PARD3B: variants seen among roughly 807,000 people sequenced by gnomAD.
PARD3B encodes the protein par-3 family cell polarity regulator beta, also known as partitioning defective 3 homolog B.
Under a neutral mutation model 130.2 loss-of-function variants are expected in PARD3B, and 103 were observed. The ratio of observed to expected loss-of-function variants is 0.79; its 90% CI spans 0.67 to 0.93. PARD3B has a LOEUF of 0.93. Ranked by LOEUF, PARD3B falls within the 40% of genes least tolerant of loss-of-function variation. PARD3B has a pLI of 0.00. For missense variants in PARD3B, 1,609 were observed against 1,499.2 expected (o/e 1.07, Z -1.21); for synonymous variants, 583 against 553.2 (o/e 1.05, Z -0.76).
At chr2:205,266,241 C>T (rs1240747830) in intron 16 of PARD3B, among the ~76,000 whole-genome samples, 1 of 151,994 alleles carries the variant, frequency 6.6e-6, no homozygotes. Context: ...TGGAATTTGG[C>T]AACTGTTTAA....
At chr2:204,828,477 G>T (rs951639401) in intron 2 of PARD3B, among the ~76,000 whole-genome samples, 2 of 152,132 alleles carry the variant, frequency 1.3e-5, no homozygotes, top group Non-Finnish European at 2.9e-5. Context: ...TTCGCAGCTA[G>T]ACTTGAGAGC....
At chr2:205,365,549 C>CTTTTTTTTTTTTTTTT (rs3048121) in intron 18 of PARD3B, among the ~76,000 whole-genome samples, 2 of 113,760 alleles carry the variant, frequency 1.8e-5, no homozygotes, top group Non-Finnish European at 3.3e-5. Flanking sequence ...CCCAACCTTC[C>CTTTTTTTTTTTTTTTT]TTTTTTTTTT....
intron 2 of PARD3B, among the ~76,000 whole-genome samples, chr2:204,959,666 T>A (rs927038808): frequency 1.3e-5 from 2 of 152,216 alleles, no homozygotes; most frequent in Non-Finnish European, 2.9e-5. Flanking sequence ...GGTAAAGGAA[T>A]GAGAAAAATA....
In PARD3B at chr2:204,762,116, ATTT is replaced by A. The variant is rs968166780; in HGVS notation, c.222+75855_222+75857del. 2.4e-4 allele frequency among the ~76,000 whole-genome samples: 23 copies of A among 95,388 alleles called. 1 individual carries two copies. Among genetic ancestry groups the A allele is most frequent in the African/African-American group, 4.9e-4 (12 of 24,522 alleles). 62.6% of individuals were successfully genotyped at this position (95,388 alleles called of 152,430 possible). ...TTTCTTTTCTTTTCCTTCTTTTTCT[ATTT>A]TTTTTTTTTTTTTTTTTTTTGAGAT... On this transcript the variant is annotated intron_variant, in intron 2 of 22. Transcript: ENST00000406610.
At chr2:204,560,749 G>A (rs1018411342) in intron 1 of PARD3B, among the ~76,000 whole-genome samples, 2 of 152,144 alleles carry the variant, frequency 1.3e-5, no homozygotes, top group African/African-American at 4.8e-5. Flanking sequence ...AGCATTTGGG[G>A]CAGGATGGAG....
intron 3 of PARD3B, among the ~76,000 whole-genome samples, chr2:205,002,396 A>G (rs1295437471): frequency 1.3e-5 from 2 of 152,096 alleles, no homozygotes; most frequent in Non-Finnish European, 2.9e-5. Flanking sequence ...AATCTGTCCT[A>G]TTCCCACCCC....
At chr2:204,671,189 T>C (rs2036279800) in intron 1 of PARD3B, among the ~76,000 whole-genome samples, 1 of 152,148 alleles carries the variant, frequency 6.6e-6, no homozygotes, top group African/African-American at 2.4e-5. Flanking sequence ...GTTTTTACTT[T>C]GCTGGCGTTG....
chr2:205,124,194 T>C, intron 8 of PARD3B, 133 bp from the exon 9 acceptor site: 1 of 785,186 alleles, frequency 1.3e-6, no homozygotes, highest in South Asian at 4.4e-5. Context: ...CTGAAGCATA[T>C]TTAAAATGTC....
At chr2:204,809,915 G>C (rs1048806154) in intron 2 of PARD3B, among the ~76,000 whole-genome samples, 2 of 151,800 alleles carry the variant, frequency 1.3e-5, no homozygotes, top group Non-Finnish European at 2.9e-5. Context: ...TGATTTCTTT[G>C]AGCAGTGTTT....
At chr2:204,612,805 A>G (rs1202991739) in intron 1 of PARD3B, among the ~76,000 whole-genome samples, 2 of 109,440 alleles carry the variant, frequency 1.8e-5, no homozygotes, top group Non-Finnish European at 3.3e-5. Context: ...CTTCTCATTT[A>G]TCAGCAATAT....
At chr2:205,319,179 C>T (rs980661594) in intron 18 of PARD3B, among the ~76,000 whole-genome samples, 1 of 152,122 alleles carries the variant, frequency 6.6e-6, no homozygotes, top group Non-Finnish European at 1.5e-5. Context: ...CACCCAGCTA[C>T]AGAATTCAAT....
rs188105705 is a variant in PARD3B at position 205,057,138 on chromosome 2, A to G, written c.504+9448A>G. Among the ~76,000 whole-genome samples, 17 of 151,562 alleles carry G rather than the reference A, an allele frequency of 1.1e-4. No homozygotes were observed. In the East Asian group the frequency reaches 3.3e-3, roughly 29 times the overall value. ...ATTTGTCCACCGAGGTTCTCCTAGT[A>G]TGAGGTGATTTCTTATTGTTTCATG... is the stretch of plus-strand genomic sequence containing the variant. On this transcript the variant is annotated intron_variant, in intron 4 of 22. Transcript: ENST00000406610.
intron 4 of PARD3B, among the ~76,000 whole-genome samples, chr2:205,077,056 C>T (rs1390954816): frequency 1.3e-5 from 2 of 152,084 alleles, no homozygotes; most frequent in African/African-American, 4.8e-5. Flanking sequence ...CAAAGTTGCC[C>T]CTGAATCCGG....
At chr2:205,365,460 A>G (rs985173454) in intron 18 of PARD3B, among the ~76,000 whole-genome samples, 5 of 150,658 alleles carry the variant, frequency 3.3e-5, no homozygotes, top group Non-Finnish European at 5.9e-5. Context: ...AACACACAGC[A>G]TCGAATCCGT....
At chr2:205,172,850 A>C (rs2035252304) in intron 12 of PARD3B, among the ~76,000 whole-genome samples, 1 of 152,232 alleles carries the variant, frequency 6.6e-6, no homozygotes, top group African/African-American at 2.4e-5. Flanking sequence ...CTGCTTGCTC[A>C]TGTTATTAAA....
At chr2:204,725,091 G>T (rs1419429368) in intron 2 of PARD3B, among the ~76,000 whole-genome samples, 1 of 152,138 alleles carries the variant, frequency 6.6e-6, no homozygotes, top group Admixed American at 6.6e-5. Flanking sequence ...TAGTAGAGGA[G>T]ATTGAATTTG....
intron 18 of PARD3B, among the ~76,000 whole-genome samples, chr2:205,382,560 T>C (rs2045491556): frequency 6.6e-6 from 1 of 152,054 alleles, no homozygotes; most frequent in South Asian, 2.1e-4. Flanking sequence ...TTTCATGTTT[T>C]CACCCACAAC....
At chr2:205,159,987 A>G (rs1256838034) in intron 11 of PARD3B, among the ~76,000 whole-genome samples, 1 of 152,192 alleles carries the variant, frequency 6.6e-6, no homozygotes, top group African/African-American at 2.4e-5. Context: ...TCCCACAGCA[A>G]AGCCAAGAAG....
Position 205,525,563 on chromosome 2 carries a change from T to C in PARD3B, c.3180+25532T>C, listed in dbSNP as rs1261133730. On this transcript the variant is annotated intron_variant, in intron 21 of 22. Coordinates refer to ENST00000406610, the MANE Select transcript of PARD3B (RefSeq NM_001302769.2). The surrounding 1 kb of genome is among the most constrained non-coding windows in gnomAD (Gnocchi z 4.2). ...AGTTCCTGCTATAAACATAGGGGTA[T>C]TGGTTGCATGACTTTATTAGCTCCT... Among the ~76,000 whole-genome samples, 1 of 152,198 alleles carries C rather than the reference T, an allele frequency of 6.6e-6. No homozygotes were observed. The highest frequency in any genetic ancestry group is 2.4e-5 in the African/African-American group (1 of 41,454).
Sources: allele counts gnomAD v4.1 joint callset (sites outside exome capture counted in the v4.1 genomes callset), GRCh38; gene constraint gnomAD v4.1.1; non-coding constraint Gnocchi (gnomAD v3.1); transcripts MANE v1.5; gene names NCBI Gene and HGNC (gene_info 2026-07-23, HGNC 2026-07-21).